Variants in ZFP1 observed in about 807,000 individuals in gnomAD.
The protein encoded by ZFP1 is ZFP1 zinc finger protein, also known as zinc finger protein 1 homolog.
In ZFP1, 32 loss-of-function variants were observed where a neutral mutation model predicts 38.5. The ratio of observed to expected loss-of-function variants is 0.83; its 90% CI spans 0.63 to 1.12. ZFP1 has a LOEUF of 1.12. Ranked by LOEUF, ZFP1 falls within the 50% of genes most tolerant of loss-of-function variation. The pLI is 0.00. For synonymous variants in ZFP1, 245 were observed against 168.8 expected, an observed-to-expected ratio of 1.45 and a Z score of -3.50; for missense variants, 616 against 480.8, an observed-to-expected ratio of 1.28 and a Z score of -2.63.
At position 75,170,372 on chromosome 16, in the gene ZFP1, G is replaced by C. The variant is rs767958679; in HGVS notation, c.*38G>C. Reference sequence around the variant, plus strand: ...GTCTTACTGTGGAAAACTCCTGCCAGAACTCTTCAAGCGGGTGAAAAACCT... The same window carrying C: ...GTCTTACTGTGGAAAACTCCTGCCACAACTCTTCAAGCGGGTGAAAAACCT... On this transcript the variant is annotated 3_prime_UTR_variant, in exon 4 of 4. Transcript: ENST00000570010. 5.4e-5 allele frequency: 83 copies of C among 1,525,212 alleles called. No homozygotes were observed. Among genetic ancestry groups the C allele is most frequent in the South Asian group, 2.8e-4 (21 of 75,528 alleles). 94.5% of individuals were successfully genotyped at this position (1,525,212 alleles called of 1,614,324 possible).
At position 75,171,754 on chromosome 16, in the gene ZFP1, A is replaced by T. The variant is rs756485166; in HGVS notation, c.*1420A>T. The T allele has an allele frequency of 2.6e-5, 4 of 152,206 alleles. No individual in the cohort carries two copies. Among genetic ancestry groups the T allele is most frequent in the Non-Finnish European group, 5.9e-5 (4 of 68,034 alleles). The allele number at this position is 152,206 out of a possible 1,614,324, so 9.4% of individuals were successfully genotyped here. ...ACACTATATATTGAGTGACTTTCTG[A>T]ACAAATTTATCCAGAACATCCATAG... On this transcript the variant is annotated 3_prime_UTR_variant, in exon 4 of 4. Transcript: ENST00000570010.
intron 2 of ZFP1, among the ~76,000 whole-genome samples, chr16:75,162,352 G>T (rs1235362008): frequency 6.6e-6 from 1 of 151,678 alleles, no homozygotes; most frequent in Non-Finnish European, 1.5e-5. Flanking sequence ...TTGAACTCCT[G>T]ACCTTAAGTG....
the ZFP1 span, chr16:75,127,704 A>G: frequency 6.6e-6 from 1 of 152,168 alleles, no homozygotes; most frequent in Non-Finnish European, 1.5e-5. Context: ...GGATTCAGGG[A>G]GGGCTGAAAT....
upstream of ZFP1, among the ~76,000 whole-genome samples, chr16:75,145,993 A>G (rs954908717): frequency 6.6e-6 from 1 of 152,148 alleles, no homozygotes; most frequent in African/African-American, 2.4e-5. Context: ...CCAGAGCCCA[A>G]AGGTGCTCAC....
rs2038320331 is a variant in ZFP1 at position 75,169,778 on chromosome 16, A to C, written c.668A>C (p.His223Pro). 6.2e-7 allele frequency: 1 copy of C among 1,613,864 alleles called. No individual in the cohort carries two copies. The highest frequency in any genetic ancestry group is 8.5e-7 in the Non-Finnish European group (1 of 1,179,918). Reference protein sequence around the residue: ...ECNVCKKTFSHKANLIKHQRI... With the variant: ...ECNVCKKTFSPKANLIKHQRI... ...AATGTATGTAAGAAAACCTTCTCCC[A>C]TAAGGCCAACCTCATCAAACATCAG... The change falls in exon 4 of 4, where the codon CAT becomes CCT. Residue 223 changes from histidine (H) to proline (P), a missense_variant. By Grantham distance (77) the His-to-Pro change is moderately conservative (BLOSUM62 -2). Transcript: ENST00000570010.
chr16:75,161,507 T>C (rs911010292), intron 2 of ZFP1, among the ~76,000 whole-genome samples: 4 of 151,536 alleles, frequency 2.6e-5, no homozygotes, highest in African/African-American at 7.3e-5. Flanking sequence ...CAAGTAATTA[T>C]TTATTTTGTC....
the ZFP1 span, among the ~76,000 whole-genome samples, chr16:75,133,331 C>T: frequency 6.6e-6 from 1 of 152,102 alleles, no homozygotes; most frequent in African/African-American, 2.4e-5. Flanking sequence ...CATAGGTAAA[C>T]TCATGTCATG....
intron 1 of ZFP1, among the ~76,000 whole-genome samples, chr16:75,151,595 A>G (rs1490218517): frequency 6.6e-6 from 1 of 152,228 alleles, no homozygotes; most frequent in Non-Finnish European, 1.5e-5. Flanking sequence ...TACTTGGAAC[A>G]TTATACTCCC....
intron 2 of ZFP1, among the ~76,000 whole-genome samples, chr16:75,154,923 G>A (rs1213513577): frequency 1.3e-5 from 2 of 151,982 alleles, no homozygotes; most frequent in East Asian, 1.9e-4. Context: ...TCAGCCTCCC[G>A]AGTAGCTGGG....
chr16:75,149,484 C>G (rs73617624), intron 1 of ZFP1, among the ~76,000 whole-genome samples: 1 of 151,774 alleles, frequency 6.6e-6, no homozygotes, highest in Non-Finnish European at 1.5e-5. Context: ...AACGAGGGAC[C>G]TCATGTAAAA....
intron 2 of ZFP1, among the ~76,000 whole-genome samples, chr16:75,157,595 C>G (rs11642394): frequency 0.78 from 118,975 of 151,928 alleles, 47,761 homozygotes; most frequent in Non-Finnish European, 0.87. Context: ...GTGGATTTGT[C>G]CATTCCTCAG....
At chr16:75,165,058 G>A (rs1033640877) in intron 2 of ZFP1, among the ~76,000 whole-genome samples, 2 of 152,072 alleles carry the variant, frequency 1.3e-5, no homozygotes, top group African/African-American at 4.8e-5. Flanking sequence ...ACCCACTTCA[G>A]CCTCCCAAAG....
At chr16:75,140,623 G>GC in the ZFP1 span, among the ~76,000 whole-genome samples, 4 of 152,270 alleles carry the variant, frequency 2.6e-5, no homozygotes, top group East Asian at 5.8e-4. Context: ...ACAAACTTAC[G>GC]CAAGCATTGC....
At chr16:75,138,712 T>C in the ZFP1 span, among the ~76,000 whole-genome samples, 150 of 152,298 alleles carry the variant, frequency 9.8e-4, 1 homozygote, top group Admixed American at 3.1e-3. Context: ...AGGGAAGTGA[T>C]GCAGAGCCAG....
At chr16:75,138,579 T>G in the ZFP1 span, among the ~76,000 whole-genome samples, 1 of 152,230 alleles carries the variant, frequency 6.6e-6, no homozygotes, top group Non-Finnish European at 1.5e-5. Flanking sequence ...AAATAGTGAT[T>G]GCAGATGTAA....
rs1275824052 is a variant in ZFP1 at position 75,161,192 on chromosome 16, C to T, written c.16-5578C>T. On this transcript the variant is annotated intron_variant, in intron 2 of 3. Transcript: ENST00000570010. ...AAGCGATTCTCCTGCCTCAGCCTCC[C>T]GAGTAGCTGGGATTACAAGGTGTGC... 3.9e-5 allele frequency among the ~76,000 whole-genome samples: 6 copies of T among 152,092 alleles called. No individual in the cohort carries two copies. In the South Asian group the frequency reaches 1.2e-3, roughly 32 times the overall value.
chr16:75,120,262 C>G, the ZFP1 span, among the ~76,000 whole-genome samples: 1 of 152,154 alleles, frequency 6.6e-6, no homozygotes, highest in Non-Finnish European at 1.5e-5. Context: ...TTTTTCTTCT[C>G]AGTTGACTGA....
chr16:75,144,280 T>C (rs540325889), upstream of ZFP1: 1 of 152,178 alleles, frequency 6.6e-6, no homozygotes, highest in Admixed American at 6.6e-5. Context: ...AAAATATGCA[T>C]AGTTTTTTAC....
At chr16:75,145,810 C>G (rs764962923), upstream of ZFP1, among the ~76,000 whole-genome samples, 2 of 152,176 alleles carry the variant, frequency 1.3e-5, no homozygotes, top group Non-Finnish European at 2.9e-5. Context: ...TTCTTCAAGT[C>G]CATGTGACCT....
Sources: allele counts gnomAD v4.1 joint callset (sites outside exome capture counted in the v4.1 genomes callset), GRCh38; gene constraint gnomAD v4.1.1; transcripts MANE v1.5; gene names NCBI Gene and HGNC (gene_info 2026-07-23, HGNC 2026-07-21).